Variants in PPP6R3 observed in about 807,000 individuals in gnomAD.
PPP6R3 encodes protein phosphatase 6 regulatory subunit 3, also known as serine/threonine-protein phosphatase 6 regulatory subunit 3.
In PPP6R3, 38 loss-of-function variants were observed where a neutral mutation model predicts 110.7. That is an observed-to-expected ratio of 0.34 (90% CI 0.26 to 0.45). PPP6R3 has a LOEUF of 0.45. Ranked by LOEUF, PPP6R3 falls within the 20% of genes least tolerant of loss-of-function variation. PPP6R3 has a pLI of 1.00. For synonymous variants in PPP6R3, 369 were observed against 373.5 expected, an observed-to-expected ratio of 0.99 and a Z score of 0.14; for missense variants, 870 against 1,062.4, an observed-to-expected ratio of 0.82 and a Z score of 2.52.
chr11:68,463,172 G>A (rs2098720430), intron 1 of PPP6R3, among the ~76,000 whole-genome samples: 1 of 151,876 alleles, frequency 6.6e-6, no homozygotes, highest in Non-Finnish European at 1.5e-5. Context: ...TCAGGAGTTC[G>A]AGACCAGGCC....
chr11:68,484,885 C>T (rs186561629), intron 1 of PPP6R3, among the ~76,000 whole-genome samples: 1 of 152,114 alleles, frequency 6.6e-6, no homozygotes, highest in Non-Finnish European at 1.5e-5. Context: ...CAGCGCCCAG[C>T]CTTCTTTATA....
intron 1 of PPP6R3, among the ~76,000 whole-genome samples, chr11:68,513,947 G>A (rs192751723): frequency 3.3e-5 from 5 of 152,204 alleles, no homozygotes; most frequent in African/African-American, 1.2e-4. Context: ...CTGCATATGT[G>A]ATGTTGATCC....
In PPP6R3 at chr11:68,510,479, C is replaced by T. The variant is rs534659734; in HGVS notation, c.-157-9022C>T. Among the ~76,000 whole-genome samples, 15 of 152,120 alleles carry T rather than the reference C, an allele frequency of 9.9e-5. No individual in the cohort carries two copies. The South Asian group carries it at 3.1e-3, about 32-fold the overall frequency. ...CCTCTCGAGTAGCTGGGACCACAGGCGTGTGCTACCATGCTTGGCTGATTT... is the reference window on the plus strand; with the variant it reads ...CCTCTCGAGTAGCTGGGACCACAGGTGTGTGCTACCATGCTTGGCTGATTT... On this transcript the variant is annotated intron_variant, in intron 1 of 23. Coordinates refer to ENST00000393800, the MANE Select transcript of PPP6R3 (RefSeq NM_001164161.2).
chr11:68,589,982 A>G (rs1044270975), intron 16 of PPP6R3, among the ~76,000 whole-genome samples: 1 of 152,052 alleles, frequency 6.6e-6, no homozygotes, highest in African/African-American at 2.4e-5. Flanking sequence ...CTCACACCAG[A>G]CCCTGCAGGT....
rs868505227 is a variant in PPP6R3, at chr11:68,566,983, G to A, written c.976-31G>A. 19 of 1,532,922 alleles carry A rather than the reference G, an allele frequency of 1.2e-5. No individual in the cohort carries two copies. The Middle Eastern group carries it at 1.0e-3, about 81-fold the overall frequency. 95.0% of individuals were successfully genotyped at this position (1,532,922 alleles called of 1,614,324 possible). ...CACCATTTGCTTTGTTCATTTAACT[G>A]AATTTAATTGGAAAGCTTTTTCTTC... On this transcript the variant is annotated intron_variant, in intron 9 of 23. Transcript: ENST00000393800.
intron 19 of PPP6R3, among the ~76,000 whole-genome samples, chr11:68,599,605 C>G (rs2099624433): frequency 6.6e-6 from 1 of 152,234 alleles, no homozygotes; most frequent in African/African-American, 2.4e-5. Flanking sequence ...GTTGAATAAT[C>G]AACATGTTCT....
intron 2 of PPP6R3, among the ~76,000 whole-genome samples, chr11:68,526,687 C>A (rs1039565724): frequency 6.6e-6 from 1 of 152,186 alleles, no homozygotes; most frequent in African/African-American, 2.4e-5. Flanking sequence ...GGCAAAAACT[C>A]GACTACCATT....
chr11:68,546,134 A>G (rs1292814358), intron 4 of PPP6R3, among the ~76,000 whole-genome samples: 1 of 152,226 alleles, frequency 6.6e-6, no homozygotes, highest in African/African-American at 2.4e-5. Context: ...ATGGAGTAGG[A>G]TAAGCTTTCT....
chr11:68,504,673 G>A (rs2099066315), intron 1 of PPP6R3, among the ~76,000 whole-genome samples: 1 of 152,198 alleles, frequency 6.6e-6, no homozygotes, highest in South Asian at 2.1e-4. Flanking sequence ...CCTGAAAGCA[G>A]CAATGGGGAT....
At chr11:68,600,518 A>G in intron 20 of PPP6R3, 24 bp downstream of exon 20, 1 of 1,593,202 alleles carries the variant, frequency 6.3e-7, no homozygotes, top group Non-Finnish European at 8.5e-7. Context: ...TGCTGTCTCT[A>G]CACCCTTCCA....
Position 68,614,449 on chromosome 11 carries a change from A to G in PPP6R3, c.*1332A>G, listed in dbSNP as rs1462227414. 1.5e-6 allele frequency: 2 copies of G among 1,351,668 alleles called. No homozygotes were observed. The highest frequency in any genetic ancestry group is 1.9e-6 in the Non-Finnish European group (2 of 1,056,256). The allele number at this position is 1,351,668 out of a possible 1,614,324, so 83.7% of individuals were successfully genotyped here. A position where few individuals can be genotyped will look rare whatever the true frequency, so the allele number is the denominator to read the frequency against. On this transcript the variant is annotated 3_prime_UTR_variant, in exon 24 of 24. Coordinates refer to ENST00000393800, the MANE Select transcript of PPP6R3 (RefSeq NM_001164161.2). ...TTCTGTAATAGAAAATTATTCACGTATTTTTACATCATTTGTTTTTCCTGA... is the reference window on the plus strand; with the variant it reads ...TTCTGTAATAGAAAATTATTCACGTGTTTTTACATCATTTGTTTTTCCTGA...
chr11:68,493,831 T>C (rs2098998742), intron 1 of PPP6R3, among the ~76,000 whole-genome samples: 2 of 151,382 alleles, frequency 1.3e-5, no homozygotes, highest in African/African-American at 4.8e-5. Flanking sequence ...GGCCAGGCAC[T>C]GTGGCTCCTG....
intron 4 of PPP6R3, 38 bp from the exon 5 acceptor site, chr11:68,548,022 TTTCCAAG>T: frequency 6.3e-7 from 1 of 1,580,554 alleles, no homozygotes; most frequent in Non-Finnish European, 8.6e-7. Flanking sequence ...AAGTTTATAG[TTTCCAAG>T]TTACATGTCT....
At chr11:68,607,711 T>C (rs1940981276) in intron 22 of PPP6R3, among the ~76,000 whole-genome samples, 2 of 152,208 alleles carry the variant, frequency 1.3e-5, no homozygotes. Context: ...CATCTGTCTG[T>C]CATCTATCTA....
intron 14 of PPP6R3, among the ~76,000 whole-genome samples, chr11:68,577,948 G>A (rs2099538395): frequency 6.6e-6 from 1 of 152,168 alleles, no homozygotes; most frequent in African/African-American, 2.4e-5. Flanking sequence ...TATATCCCCT[G>A]TTGAGTTAGC....
intron 14 of PPP6R3, among the ~76,000 whole-genome samples, chr11:68,580,058 A>G (rs746452102): frequency 6.6e-6 from 1 of 152,206 alleles, no homozygotes; most frequent in East Asian, 1.9e-4. Context: ...GCAGGTGTAC[A>G]GTTTAAAATC....
At chr11:68,551,075 C>A in intron 5 of PPP6R3, 46 bp from the exon 6 acceptor site, 1 of 1,327,724 alleles carries the variant, frequency 7.5e-7, no homozygotes, top group Non-Finnish European at 1.1e-6. Context: ...GGGGCTTGAA[C>A]AAGAGCCACT....
intron 1 of PPP6R3, among the ~76,000 whole-genome samples, chr11:68,515,498 G>T (rs573817941): frequency 6.6e-6 from 1 of 152,346 alleles, no homozygotes; most frequent in Non-Finnish European, 1.5e-5. Context: ...ATACCAGCTC[G>T]GAAGAGCTTG....
intron 7 of PPP6R3, among the ~76,000 whole-genome samples, chr11:68,555,615 C>T (rs1245418565): frequency 6.6e-6 from 1 of 152,192 alleles, no homozygotes; most frequent in East Asian, 1.9e-4. Context: ...CCAAGCCTTC[C>T]GTCCACACAG....
Sources: gnomAD v4.1 joint callset for allele counts (sites outside exome capture counted in the v4.1 genomes callset) on GRCh38, gnomAD v4.1.1 for gene constraint, MANE v1.5 for transcripts, NCBI Gene and HGNC (gene_info 2026-07-23, HGNC 2026-07-21) for gene names.